KLHL1: variants seen among roughly 807,000 people sequenced by gnomAD.
The protein encoded by KLHL1 is kelch like family member 1.
A neutral mutation model predicts 77.7 loss-of-function variants in KLHL1; 47 were observed. The ratio of observed to expected loss-of-function variants is 0.60; its 90% CI spans 0.48 to 0.77. The LOEUF (loss-of-function observed/expected upper bound fraction) is 0.77, where lower values mean the gene tolerates loss of function less well. KLHL1 is among the 30% of genes least tolerant of loss of function. KLHL1 has a pLI of 0.00. For missense variants in KLHL1, 925 were observed against 910.8 expected (o/e 1.02, Z -0.20); for synonymous variants, 360 against 325.2 (o/e 1.11, Z -1.15).
intron 4 of KLHL1, among the ~76,000 whole-genome samples, chr13:69,896,687 GAGACAGAGTCTCA>G (rs1881654809): frequency 7.6e-6 from 1 of 131,642 alleles, no homozygotes; most frequent in East Asian, 2.1e-4. Flanking sequence ...TTTTTTTTTT[GAGACAGAGTCTCA>G]CTCTGTTGCC....
At chr13:70,029,919 TG>T (rs1886051325) in intron 1 of KLHL1, among the ~76,000 whole-genome samples, 3 of 151,570 alleles carry the variant, frequency 2.0e-5, no homozygotes, top group African/African-American at 7.3e-5. Context: ...ACCAAGCAAA[TG>T]GAAAACAAAA....
intron 1 of KLHL1, among the ~76,000 whole-genome samples, chr13:70,073,574 G>T (rs1477461377): frequency 1.3e-5 from 2 of 151,728 alleles, no homozygotes; most frequent in Admixed American, 6.6e-5. Flanking sequence ...AAAAATGTAG[G>T]CAATAGCCCA....
intron 5 of KLHL1, among the ~76,000 whole-genome samples, chr13:69,854,163 T>C (rs1374763559): frequency 2.0e-5 from 3 of 152,024 alleles, no homozygotes; most frequent in Non-Finnish European, 2.9e-5. Flanking sequence ...TTGCTAGAAT[T>C]GAATACCTGA....
In KLHL1 at chr13:69,837,614, CTATATATATG is replaced by C. The variant is rs1593874850; in HGVS notation, c.1414+1352_1414+1361del. Among the ~76,000 whole-genome samples, 88 of 136,462 alleles carry C rather than the reference CTATATATATG, an allele frequency of 6.4e-4. 1 individual carries two copies. Among genetic ancestry groups the C allele is most frequent in the Admixed American group, 1.9e-3 (26 of 13,710 alleles). The allele number at this position is 136,462 out of a possible 152,430, so 89.5% of individuals were successfully genotyped here. A position where few individuals can be genotyped will look rare whatever the true frequency, so the allele number is the denominator to read the frequency against. ...TATATATACACATACATCTCTCTCT[CTATATATATG>C]TGTGTGTATATATATATATGTGTAT... On this transcript the variant is annotated intron_variant, in intron 6 of 10. Coordinates refer to ENST00000377844, the MANE Select transcript of KLHL1 (RefSeq NM_020866.3).
chr13:69,909,457 C>T (rs193263314), intron 4 of KLHL1, among the ~76,000 whole-genome samples: 26 of 151,836 alleles, frequency 1.7e-4, no homozygotes, highest in Non-Finnish European at 3.4e-4. Flanking sequence ...AAAGAAAGCC[C>T]ATTAAATCTA....
At chr13:69,881,697 T>C (rs968115439) in intron 5 of KLHL1, among the ~76,000 whole-genome samples, 5 of 152,192 alleles carry the variant, frequency 3.3e-5, no homozygotes, top group Non-Finnish European at 5.9e-5. Flanking sequence ...ACTTAACTCA[T>C]CGATAAAGTT....
intron 7 of KLHL1, among the ~76,000 whole-genome samples, chr13:69,761,692 G>A (rs112547018): frequency 1.3e-5 from 2 of 152,128 alleles, no homozygotes; most frequent in East Asian, 3.9e-4. Context: ...TAATAAATGT[G>A]CTATGCACTT....
intron 1 of KLHL1, among the ~76,000 whole-genome samples, chr13:69,999,600 G>T (rs1352297379): frequency 6.6e-6 from 1 of 152,004 alleles, no homozygotes; most frequent in African/African-American, 2.4e-5. Context: ...GCAAAAATCA[G>T]GTTGTTTGTA....
In KLHL1 at chr13:69,882,782, G is replaced by T. The variant is rs144668173; in HGVS notation, c.1015-287C>A. Among the ~76,000 whole-genome samples the T allele has an allele frequency of 3.4e-3, 515 of 152,252 alleles. 2 individuals are homozygous for T. The highest frequency in any genetic ancestry group is 0.012 in the African/African-American group (487 of 41,538). ...AAGTGATTAAATGTTCAAGTTTCAAGTGTACTGCTATATAAGATTTGGTGA... is the reference window on the plus strand; with the variant it reads ...AAGTGATTAAATGTTCAAGTTTCAATTGTACTGCTATATAAGATTTGGTGA... On this transcript the variant is annotated intron_variant, in intron 4 of 10. Transcript: ENST00000377844.
chr13:69,712,908 C>T (rs1875946952), intron 9 of KLHL1, among the ~76,000 whole-genome samples: 1 of 151,814 alleles, frequency 6.6e-6, no homozygotes, highest in East Asian at 1.9e-4. Context: ...CTCTGGTGCT[C>T]AAGCAAACCT....
intron 8 of KLHL1, among the ~76,000 whole-genome samples, chr13:69,734,171 G>A (rs1008430359): frequency 2.6e-5 from 4 of 152,106 alleles, no homozygotes; most frequent in African/African-American, 7.2e-5. Flanking sequence ...ATGAGTGAGT[G>A]CTCGTGAGAT....
At chr13:69,728,663 C>CAAAAAAAAAAA (rs1873409392) in intron 8 of KLHL1, among the ~76,000 whole-genome samples, 2 of 137,694 alleles carry the variant, frequency 1.5e-5, no homozygotes, top group African/African-American at 6.0e-5. Context: ...AAAAAAAAAG[C>CAAAAAAAAAAA]AAAGTGTGGT....
At chr13:70,007,732 T>A (rs967320457) in intron 1 of KLHL1, among the ~76,000 whole-genome samples, 5 of 152,102 alleles carry the variant, frequency 3.3e-5, no homozygotes, top group African/African-American at 7.2e-5. Context: ...AATTAAATTT[T>A]AAAAAATCAT....
chr13:69,802,393 C>T (rs2138048141), intron 6 of KLHL1, among the ~76,000 whole-genome samples: 1 of 152,184 alleles, frequency 6.6e-6, no homozygotes, highest in Non-Finnish European at 1.5e-5. Flanking sequence ...AGAACTCCCA[C>T]TATTGAGTGA....
At chr13:69,703,434 TAA>T (rs757471217) in intron 10 of KLHL1, among the ~76,000 whole-genome samples, 14 of 147,956 alleles carry the variant, frequency 9.5e-5, no homozygotes, top group Non-Finnish European at 1.7e-4. Flanking sequence ...TTTAAAAATT[TAA>T]GAGTTTAAAA....
At chr13:70,080,753 C>T (rs1158190246) in intron 1 of KLHL1, among the ~76,000 whole-genome samples, 1 of 152,036 alleles carries the variant, frequency 6.6e-6, no homozygotes, top group East Asian at 1.9e-4. Context: ...CGCACCACCA[C>T]ACCAGCCTAA....
chr13:69,822,936 T>C (rs1878395760), intron 6 of KLHL1, among the ~76,000 whole-genome samples: 2 of 152,288 alleles, frequency 1.3e-5, no homozygotes, highest in African/African-American at 2.4e-5. Flanking sequence ...TTCAAAAATA[T>C]AACTTTATGT....
chr13:69,821,504 G>A (rs147734765), intron 6 of KLHL1, among the ~76,000 whole-genome samples: 2,192 of 150,088 alleles, frequency 0.015, 52 homozygotes, highest in African/African-American at 0.051. Context: ...TAGTAGAAAT[G>A]GGGTTTCATC....
intron 6 of KLHL1, among the ~76,000 whole-genome samples, chr13:69,827,047 T>G (rs1878576521): frequency 6.6e-6 from 1 of 151,748 alleles, no homozygotes; most frequent in Non-Finnish European, 1.5e-5. Context: ...GAATAAAATT[T>G]TGAAATGTGG....
Sources: gnomAD v4.1 joint callset for allele counts (sites outside exome capture counted in the v4.1 genomes callset) on GRCh38, gnomAD v4.1.1 for gene constraint, MANE v1.5 for transcripts, NCBI Gene and HGNC (gene_info 2026-07-23, HGNC 2026-07-21) for gene names.